CUX1: variants seen among roughly 807,000 people sequenced by gnomAD.
CUX1 encodes the protein protein CASP.
Under a neutral mutation model 158.8 loss-of-function variants are expected in CUX1, and 31 were observed. The observed-to-expected ratio is 0.20, with a 90% CI of 0.15 to 0.26. The LOEUF is 0.26. CUX1 is among the 10% of genes least tolerant of loss of function. The probability of loss-of-function intolerance (pLI) is 1.00; values close to 1 mark genes in which losing one functional copy is unlikely to be tolerated. For missense variants in CUX1, 1,589 were observed against 2,014.6 expected (o/e 0.79, Z 4.04); for synonymous variants, 879 against 862.1 (o/e 1.02, Z -0.34).
intron 1 of CUX1, among the ~76,000 whole-genome samples, chr7:101,850,287 C>G (rs1562926689): frequency 6.6e-6 from 1 of 151,860 alleles, no homozygotes; most frequent in African/African-American, 2.4e-5. Context: ...TTCTTTTCTT[C>G]AAAACATTTT....
chr7:102,020,083 T>C (rs963374934), intron 2 of CUX1, among the ~76,000 whole-genome samples: 1 of 152,228 alleles, frequency 6.6e-6, no homozygotes, highest in Non-Finnish European at 1.5e-5. Flanking sequence ...TGATAAATAA[T>C]TAAAGCTAAT....
chr7:102,006,342 A>G (rs10488043), intron 2 of CUX1, among the ~76,000 whole-genome samples: 20,334 of 152,088 alleles, frequency 0.13, 1,455 homozygotes, highest in South Asian at 0.18. Context: ...CTCGAAGGAC[A>G]ACTCTGGAAT....
intron 20 of CUX1, among the ~76,000 whole-genome samples, chr7:102,207,612 C>T (rs1175767950): frequency 4.6e-5 from 7 of 152,102 alleles, no homozygotes; most frequent in African/African-American, 1.2e-4. Flanking sequence ...TCACCACGCC[C>T]GGCTAATTTT....
At chr7:102,203,006 G>A (rs1419758598) in intron 18 of CUX1, among the ~76,000 whole-genome samples, 2 of 152,056 alleles carry the variant, frequency 1.3e-5, no homozygotes, top group Admixed American at 1.3e-4. Flanking sequence ...TCACTCTGTC[G>A]CCCATGCTAG....
chr7:102,160,210 T>G (rs1790283953), intron 9 of CUX1, among the ~76,000 whole-genome samples: 7 of 151,618 alleles, frequency 4.6e-5, no homozygotes, highest in Admixed American at 3.9e-4. Context: ...TGGAAGGAGT[T>G]ACCTTCATCA....
chr7:102,217,762 T>C (rs970491072), intron 20 of CUX1, among the ~76,000 whole-genome samples: 6 of 141,678 alleles, frequency 4.2e-5, no homozygotes, highest in East Asian at 4.3e-4. Flanking sequence ...TCTGGATGGA[T>C]GTGATGGTGT....
chr7:101,894,317 G>A (rs1039023309), intron 1 of CUX1, among the ~76,000 whole-genome samples: 1 of 152,134 alleles, frequency 6.6e-6, no homozygotes, highest in Non-Finnish European at 1.5e-5. Flanking sequence ...TTGGTTTTTT[G>A]TTTGTTTGTT....
At chr7:101,960,963 T>C (rs1308130054) in intron 2 of CUX1, 1 of 152,314 alleles carries the variant, frequency 6.6e-6, no homozygotes, top group Admixed American at 6.5e-5. Context: ...AATGGCTGGA[T>C]GCAGAAGGTG....
chr7:101,925,589 G>T (rs1805488395), intron 2 of CUX1, among the ~76,000 whole-genome samples: 1 of 152,158 alleles, frequency 6.6e-6, no homozygotes, highest in Non-Finnish European at 1.5e-5. Context: ...TACTTTAAAT[G>T]GGTGAGTTGT....
At chr7:102,088,755 TA>T (rs1828216227) in intron 4 of CUX1, among the ~76,000 whole-genome samples, 1 of 152,252 alleles carries the variant, frequency 6.6e-6, no homozygotes, top group African/African-American at 2.4e-5. Flanking sequence ...TATATTTTTT[TA>T]ACCTATATAC....
chr7:102,229,947 C>T (rs1258615179), intron 21 of CUX1, among the ~76,000 whole-genome samples: 2 of 152,174 alleles, frequency 1.3e-5, no homozygotes, highest in African/African-American at 4.8e-5. Flanking sequence ...TTTAAACCAC[C>T]GTGCTCCTCC....
chr7:102,130,342 C>T (rs1833078321), intron 8 of CUX1, among the ~76,000 whole-genome samples: 1 of 152,158 alleles, frequency 6.6e-6, no homozygotes, highest in Non-Finnish European at 1.5e-5. Context: ...ATGACCACAG[C>T]AGTGCCCTCT....
intron 11 of CUX1, among the ~76,000 whole-genome samples, chr7:102,188,212 AAAAG>A (rs1225791520): frequency 4.0e-5 from 6 of 151,742 alleles, no homozygotes; most frequent in African/African-American, 1.5e-4. Context: ...TTTAAAAAAA[AAAAG>A]AAGAAGAAGA....
chr7:102,078,167 C>T (rs1178506996), intron 4 of CUX1, among the ~76,000 whole-genome samples: 1 of 152,194 alleles, frequency 6.6e-6, no homozygotes, highest in East Asian at 1.9e-4. Context: ...TTAACCGCCT[C>T]CTGGCTCAAG....
At chr7:101,888,205 C>G (rs1800457667) in intron 1 of CUX1, among the ~76,000 whole-genome samples, 2 of 152,262 alleles carry the variant, frequency 1.3e-5, no homozygotes, top group South Asian at 4.1e-4. Flanking sequence ...GTGGCACATT[C>G]CTGTAATTCC....
At chr7:102,052,948 C>T (rs1823691658) in intron 3 of CUX1, among the ~76,000 whole-genome samples, 1 of 152,042 alleles carries the variant, frequency 6.6e-6, no homozygotes, top group Non-Finnish European at 1.5e-5. Context: ...GCTGGGATTA[C>T]AGGCACGTGC....
At chr7:102,158,629 A>C (rs782452163) in intron 9 of CUX1, 21 bp downstream of exon 9, 3 of 1,613,400 alleles carry the variant, frequency 1.9e-6, no homozygotes, top group African/African-American at 1.3e-5. Flanking sequence ...GGACGCTTTT[A>C]GTCCTAAAAC....
Position 102,251,283 on chromosome 7 carries a change from T to C in CUX1, c.*2241T>C. On this transcript the variant is annotated 3_prime_UTR_variant, in exon 24 of 24. Coordinates refer to ENST00000292535, the MANE Select transcript of CUX1 (RefSeq NM_181552.4). ...GGGAGTTATAATTTTAAAGGTATGC[T>C]CTGGCTGTTCCACCTCCGTGTGCTT... is the stretch of plus-strand genomic sequence containing the variant. 1.0e-6 allele frequency: 1 copy of C among 985,332 alleles called. No homozygotes were observed. The highest frequency in any genetic ancestry group is 1.2e-6 in the Non-Finnish European group (1 of 829,858). 61.0% of individuals were successfully genotyped at this position (985,332 alleles called of 1,614,324 possible).
intron 14 of CUX1, among the ~76,000 whole-genome samples, chr7:102,268,012 T>A (rs1790935364): frequency 6.6e-6 from 1 of 152,040 alleles, no homozygotes; most frequent in African/African-American, 2.4e-5. Context: ...CCTCCTCCCC[T>A]CTGTGAGGTG....
Sources: allele counts gnomAD v4.1 joint callset (sites outside exome capture counted in the v4.1 genomes callset), GRCh38; gene constraint gnomAD v4.1.1; transcripts MANE v1.5; gene names NCBI Gene and HGNC (gene_info 2026-07-23, HGNC 2026-07-21).